RBFOX1: variants seen among roughly 807,000 people sequenced by gnomAD.
RBFOX1 encodes the protein RNA binding protein fox-1 homolog 1.
Under a neutral mutation model 57.7 loss-of-function variants are expected in RBFOX1, and 8 were observed. The observed-to-expected ratio is 0.14, with a 90% CI of 0.08 to 0.25. The LOEUF (loss-of-function observed/expected upper bound fraction) is 0.25, where lower values mean the gene tolerates loss of function less well. Ranked by LOEUF, RBFOX1 falls within the 10% of genes least tolerant of loss-of-function variation. The pLI is 1.00. For missense variants in RBFOX1, 611 were observed against 548.5 expected (o/e 1.11, Z -1.14); for synonymous variants, 326 against 222.4 (o/e 1.47, Z -4.15).
At chr16:7,559,791 GT>G (rs1288409766) in intron 5 of RBFOX1, among the ~76,000 whole-genome samples, 1 of 152,156 alleles carries the variant, frequency 6.6e-6, no homozygotes, top group African/African-American at 2.4e-5. Flanking sequence ...GCACTTAGGA[GT>G]TTCTCAATCA....
chr16:5,992,539 T>G (rs2060418813), intron 4 of RBFOX1, among the ~76,000 whole-genome samples: 1 of 152,108 alleles, frequency 6.6e-6, no homozygotes, highest in Non-Finnish European at 1.5e-5. Context: ...TGTGCATGTA[T>G]GTGTGTGTGC....
intron 4 of RBFOX1, among the ~76,000 whole-genome samples, chr16:7,463,659 C>A (rs2059976370): frequency 6.6e-6 from 1 of 152,168 alleles, no homozygotes; most frequent in Non-Finnish European, 1.5e-5. Context: ...CAAACCATAG[C>A]AGTCACCTTT....
chr16:6,214,536 G>A (rs1187794917), intron 1 of RBFOX1, among the ~76,000 whole-genome samples: 5 of 127,890 alleles, frequency 3.9e-5, no homozygotes, highest in Non-Finnish European at 5.0e-5. Flanking sequence ...GGGAGATGGG[G>A]AGAAGGAGAC....
chr16:5,276,223 A>G (rs975012459), intron 1 of RBFOX1, among the ~76,000 whole-genome samples: 9 of 152,240 alleles, frequency 5.9e-5, no homozygotes, highest in Admixed American at 5.9e-4. Context: ...ACAGCAAAGG[A>G]AATAAACAGC....
At chr16:6,394,816 C>A (rs1486684765) in intron 2 of RBFOX1, among the ~76,000 whole-genome samples, 1 of 152,104 alleles carries the variant, frequency 6.6e-6, no homozygotes, top group Non-Finnish European at 1.5e-5. Flanking sequence ...ACCCCTAAGT[C>A]CTTGGTGAAA....
rs369959455 is a variant in RBFOX1, at chr16:6,354,273, C to T, written c.-64+37216C>T. Among the ~76,000 whole-genome samples the T allele has an allele frequency of 1.4e-3, 211 of 152,106 alleles. 5 individuals are homozygous for T. The South Asian group carries it at 0.041, about 30-fold the overall frequency. On this transcript the variant is annotated intron_variant, in intron 2 of 15. Transcript: ENST00000550418. Reference sequence around the variant, plus strand: ...TAGATATATATAAAAAAAATAGCAACAGTTTTCCGAAACATGTTTCAGAGA... The same window carrying T: ...TAGATATATATAAAAAAAATAGCAATAGTTTTCCGAAACATGTTTCAGAGA...
At chr16:6,007,198 A>G (rs2094932682) in intron 4 of RBFOX1, among the ~76,000 whole-genome samples, 1 of 152,200 alleles carries the variant, frequency 6.6e-6, no homozygotes, top group Admixed American at 6.5e-5. Flanking sequence ...GAATTGATTC[A>G]CTTCCCATAA....
At chr16:7,214,028 C>T (rs1000896232) in intron 4 of RBFOX1, among the ~76,000 whole-genome samples, 18 of 151,974 alleles carry the variant, frequency 1.2e-4, no homozygotes, top group African/African-American at 3.6e-4. Context: ...TGACCTCTCC[C>T]CTTTGCCTAG....
chr16:7,554,890 C>T (rs911212305), intron 5 of RBFOX1, among the ~76,000 whole-genome samples: 3 of 151,938 alleles, frequency 2.0e-5, no homozygotes, highest in Admixed American at 6.6e-5. Flanking sequence ...TTAGGGAGAA[C>T]GGAGTAACAT....
intron 4 of RBFOX1, among the ~76,000 whole-genome samples, chr16:7,266,706 A>G (rs908197946): frequency 5.3e-5 from 8 of 152,216 alleles, no homozygotes; most frequent in African/African-American, 1.7e-4. Context: ...TACATTCTTT[A>G]TATTTGACAA....
intron 2 of RBFOX1, among the ~76,000 whole-genome samples, chr16:6,401,724 G>T (rs1567197992): frequency 6.6e-6 from 1 of 152,102 alleles, no homozygotes; most frequent in Non-Finnish European, 1.5e-5. Flanking sequence ...AACGAAGGAA[G>T]AAATCAAAGT....
chr16:6,808,293 C>T (rs1369506590), intron 3 of RBFOX1, among the ~76,000 whole-genome samples: 1 of 151,736 alleles, frequency 6.6e-6, no homozygotes, highest in African/African-American at 2.4e-5. Context: ...CTTTTTCTCT[C>T]CTGCCTTTCT....
intron 1 of RBFOX1, among the ~76,000 whole-genome samples, chr16:6,131,324 G>C (rs1271861542): frequency 2.0e-5 from 3 of 152,204 alleles, no homozygotes; most frequent in Non-Finnish European, 4.4e-5. Flanking sequence ...TTGGTACTTT[G>C]CTGTACTGAT....
At chr16:6,644,636 A>G (rs1406821795) in intron 2 of RBFOX1, among the ~76,000 whole-genome samples, 1 of 152,182 alleles carries the variant, frequency 6.6e-6, no homozygotes, top group Non-Finnish European at 1.5e-5. Flanking sequence ...TTAGCTTCTC[A>G]TGACAAGTCT....
At chr16:6,868,559 C>T (rs542304108) in intron 3 of RBFOX1, among the ~76,000 whole-genome samples, 6 of 152,206 alleles carry the variant, frequency 3.9e-5, no homozygotes, top group South Asian at 2.1e-4. Context: ...GCAACCTCTG[C>T]TTCCTGGGTT....
chr16:7,489,283 G>A lies in RBFOX1; in HGVS notation c.28-28864G>A, dbSNP rs996445673. 2.0e-5 allele frequency among the ~76,000 whole-genome samples: 3 copies of A among 152,038 alleles called. No homozygotes were observed. The East Asian group carries it at 5.8e-4, about 29-fold the overall frequency. ...TGAGTAATGTAAAAGCAAGTTTTTGGTTAAGCATTTACTAAATGACAGGAA... is the reference window on the plus strand; with the variant it reads ...TGAGTAATGTAAAAGCAAGTTTTTGATTAAGCATTTACTAAATGACAGGAA... On this transcript the variant is annotated intron_variant, in intron 4 of 15. Coordinates refer to ENST00000550418, the MANE Select transcript of RBFOX1 (RefSeq NM_018723.4).
intron 4 of RBFOX1, among the ~76,000 whole-genome samples, chr16:7,273,379 G>C (rs2095377721): frequency 1.3e-5 from 2 of 151,964 alleles, no homozygotes; most frequent in South Asian, 4.2e-4. Context: ...CCTCCTGTTG[G>C]ACTGATATTC....
Position 5,847,130 on chromosome 16 carries a change from T to C in RBFOX1, c.319-20173T>C, listed in dbSNP as rs531864665. ...GGGCCAGGCTGTTCTCTGGAAGTCATTTGAAGAATGAAATTGAATTTGGTG... is the reference window on the plus strand; with the variant it reads ...GGGCCAGGCTGTTCTCTGGAAGTCACTTGAAGAATGAAATTGAATTTGGTG... On this transcript the variant is annotated intron_variant, in intron 3 of 19. Coordinates refer to the RBFOX1 transcript ENST00000641259. Among the ~76,000 whole-genome samples, 14 of 152,266 alleles carry C rather than the reference T, an allele frequency of 9.2e-5. No homozygotes were observed. The South Asian group carries it at 2.1e-3, about 23-fold the overall frequency.
At chr16:7,266,832 T>G (rs769800892) in intron 4 of RBFOX1, among the ~76,000 whole-genome samples, 4 of 152,180 alleles carry the variant, frequency 2.6e-5, no homozygotes, top group Non-Finnish European at 4.4e-5. Flanking sequence ...ATTACAAGTT[T>G]GGAAACTGTT....
Sources: gnomAD v4.1 joint callset for allele counts (sites outside exome capture counted in the v4.1 genomes callset) on GRCh38, gnomAD v4.1.1 for gene constraint, MANE v1.5 for transcripts, NCBI Gene and HGNC (gene_info 2026-07-23, HGNC 2026-07-21) for gene names.